Variants in MMP20 observed in about 807,000 individuals in gnomAD.
MMP20 encodes the protein matrix metallopeptidase 20, also known as matrix metalloproteinase-20.
A neutral mutation model predicts 51.8 loss-of-function variants in MMP20; 50 were observed. That is an observed-to-expected ratio of 0.97 (90% confidence interval 0.77 to 1.22). MMP20 has a LOEUF of 1.22. Ranked by LOEUF, MMP20 falls within the 50% of genes most tolerant of loss-of-function variation. The pLI, the probability that MMP20 is intolerant of heterozygous loss-of-function variation, is 0.00. For synonymous variants in MMP20, 244 were observed against 216.2 expected, an observed-to-expected ratio of 1.13 and a Z score of -1.13; for missense variants, 663 against 601.4, an observed-to-expected ratio of 1.10 and a Z score of -1.07.
At chr11:102,609,785 T>C in intron 4 of MMP20, 120 bp downstream of exon 4, 1 of 1,461,142 alleles carries the variant, frequency 6.8e-7, no homozygotes, top group South Asian at 1.2e-5. Context: ...GCTTACTTGT[T>C]TTTCCTAGCC....
In MMP20 at chr11:102,625,097, A is replaced by G. The variant is rs1165826301; in HGVS notation, c.126+97T>C. The G allele has an allele frequency of 6.7e-6, 10 of 1,499,726 alleles. No homozygotes were observed. In the South Asian group the frequency reaches 6.8e-5, roughly 10 times the overall value. 92.9% of individuals were successfully genotyped at this position (1,499,726 alleles called of 1,614,324 possible). The stretch of plus-strand genomic sequence containing the variant: ...CAATGGACTTATATAAAATGATTTT[A>G]AAAGAACAATAGAATTTTTTTCTTA... On this transcript the variant is annotated intron_variant, in intron 1 of 9. Coordinates refer to ENST00000260228, the MANE Select transcript of MMP20 (RefSeq NM_004771.4).
At chr11:102,619,576 A>T (rs1419303433) in intron 1 of MMP20, among the ~76,000 whole-genome samples, 1 of 54,978 alleles carries the variant, frequency 1.8e-5, no homozygotes, top group Non-Finnish European at 4.8e-5. Flanking sequence ...TAAAAAAAAC[A>T]AAATAAATGC....
At chr11:102,596,190 C>T (rs182585615) in intron 6 of MMP20, among the ~76,000 whole-genome samples, 14 of 152,282 alleles carry the variant, frequency 9.2e-5, no homozygotes, top group Admixed American at 9.1e-4. Flanking sequence ...AAGTATATCC[C>T]ATTGCATTTA....
intron 8 of MMP20, among the ~76,000 whole-genome samples, chr11:102,584,576 T>C (rs1859232922): frequency 6.6e-6 from 1 of 152,222 alleles, no homozygotes; most frequent in South Asian, 2.1e-4. Flanking sequence ...CCCTGGGTTG[T>C]CTTTTTACTT....
At position 102,579,027 on chromosome 11, in the gene MMP20, G is replaced by A; in HGVS notation, c.1351+12C>T. 6.3e-7 allele frequency: 1 copy of A among 1,580,296 alleles called. No individual in the cohort carries two copies. Among genetic ancestry groups the A allele is most frequent in the Non-Finnish European group, 8.7e-7 (1 of 1,149,280 alleles). ...AGTTTTCATGAAGAAAGTTTTCAGT[G>A]GAAACACTTACCATTTAATTCTACA... On this transcript the variant is annotated intron_variant, in intron 9 of 9. Transcript: ENST00000260228.
intron 6 of MMP20, among the ~76,000 whole-genome samples, chr11:102,599,828 C>A (rs1336409703): frequency 6.6e-6 from 1 of 152,064 alleles, no homozygotes; most frequent in Non-Finnish European, 1.5e-5. Context: ...CTCACTGAAC[C>A]CAAGAAAAAT....
At chr11:102,605,420 C>T (rs1034991720) in intron 6 of MMP20, 1 of 151,998 alleles carries the variant, frequency 6.6e-6, no homozygotes, top group African/African-American at 2.4e-5. Context: ...TTGTTACTTT[C>T]TCTCTGTGCT....
At chr11:102,614,097 T>A (rs555188878) in intron 2 of MMP20, among the ~76,000 whole-genome samples, 5 of 152,384 alleles carry the variant, frequency 3.3e-5, no homozygotes, top group Admixed American at 1.3e-4. Flanking sequence ...GTATGCACTT[T>A]TTAATGTGGC....
Position 102,606,601 on chromosome 11 carries a change from C to T in MMP20, c.887G>A (p.Cys296Tyr). ...PHHKPSIPDLCDSSSSFDAVT... is the reference protein window; with the variant it reads ...PHHKPSIPDLYDSSSSFDAVT... Reference sequence around the variant, plus strand: ...AGCGTCAAAGGATGAGCTGGAGTCACAGAGGTCAGGGATGGATGGCTTGTG... The same window carrying T: ...AGCGTCAAAGGATGAGCTGGAGTCATAGAGGTCAGGGATGGATGGCTTGTG... Residue 296 changes from cysteine (C) to tyrosine (Y), a missense_variant, in exon 6 of 10, where the codon TGT becomes TAT. Transcript: ENST00000260228. 2 of 1,614,104 alleles carry T rather than the reference C, an allele frequency of 1.2e-6. No individual in the cohort carries two copies. The highest frequency in any genetic ancestry group is 1.3e-5 in the African/African-American group (1 of 75,040).
intron 6 of MMP20, among the ~76,000 whole-genome samples, chr11:102,597,511 G>C (rs1859395908): frequency 6.6e-6 from 1 of 152,144 alleles, no homozygotes; most frequent in Admixed American, 6.5e-5. Context: ...GCAATATCTG[G>C]TGACAATTTT....
At chr11:102,598,473 A>T (rs1014098441) in intron 6 of MMP20, among the ~76,000 whole-genome samples, 2 of 152,226 alleles carry the variant, frequency 1.3e-5, no homozygotes, top group Admixed American at 6.5e-5. Flanking sequence ...ATCTTATGCT[A>T]TGCTGGCACA....
Position 102,606,621 on chromosome 11 carries a change from C to T in MMP20, c.867G>A (p.Lys289=). The change falls in exon 6 of 10, where the codon AAG becomes AAA. Residue 289 remains lysine, a synonymous_variant. Coordinates refer to ENST00000260228, the MANE Select transcript of MMP20 (RefSeq NM_004771.4). The stretch of plus-strand genomic sequence containing the variant: ...AGTCACAGAGGTCAGGGATGGATGG[C>T]TTGTGATGGGGGGCATGGGGCAGAG... ...KPTLPHAPHH[K]PSIPDLCDSS... The T allele has an allele frequency of 6.2e-7, 1 of 1,613,938 alleles. No homozygotes were observed. The highest frequency in any genetic ancestry group is 8.5e-7 in the Non-Finnish European group (1 of 1,179,884).
chr11:102,586,812 G>A (rs1047483670), intron 8 of MMP20, among the ~76,000 whole-genome samples: 7 of 150,750 alleles, frequency 4.6e-5, no homozygotes, highest in South Asian at 2.1e-4. Flanking sequence ...GCAAGACTCC[G>A]CCTCAAAAAA....
At position 102,581,881 on chromosome 11, in the gene MMP20, T is replaced by C. The variant is rs553293437; in HGVS notation, c.1248-2739A>G. ...TTCAATATTAAGGAAATAAATACAA[T>C]TTTTATTGAGAATCAACTATATCTT... On this transcript the variant is annotated intron_variant, in intron 8 of 9. Coordinates refer to ENST00000260228, the MANE Select transcript of MMP20 (RefSeq NM_004771.4). Among the ~76,000 whole-genome samples the C allele has an allele frequency of 4.6e-5, 7 of 152,326 alleles. No individual in the cohort carries two copies. In the East Asian group the frequency reaches 9.6e-4, roughly 21 times the overall value.
chr11:102,610,708 A>T (rs780208111), intron 3 of MMP20, among the ~76,000 whole-genome samples: 6 of 151,974 alleles, frequency 3.9e-5, no homozygotes, highest in Admixed American at 6.5e-5. Context: ...AAAATAAGGG[A>T]TATAGTTTAC....
At chr11:102,612,256 A>C (rs756739618) in intron 2 of MMP20, among the ~76,000 whole-genome samples, 5 of 152,118 alleles carry the variant, frequency 3.3e-5, no homozygotes, top group Non-Finnish European at 5.9e-5. Flanking sequence ...CTTGAGGTCA[A>C]GAGTTCGAGA....
rs17099071 is a variant in MMP20 at position 102,616,627 on chromosome 11, A to G, written c.374+185T>C. On this transcript the variant is annotated intron_variant, in intron 2 of 9. Coordinates refer to ENST00000260228, the MANE Select transcript of MMP20 (RefSeq NM_004771.4). The stretch of plus-strand genomic sequence containing the variant: ...TAGCCAGTCATTATGATAATCCTAA[A>G]ACCGTATTTTCTGGTGAATTGCCCA... Among the ~76,000 whole-genome samples, 1,025 of 152,290 alleles carry G rather than the reference A, an allele frequency of 6.7e-3. 16 individuals are homozygous for G. Among genetic ancestry groups the G allele is most frequent in the African/African-American group, 0.023 (976 of 41,558 alleles).
chr11:102,609,431 C>G (rs1456775148), intron 4 of MMP20, among the ~76,000 whole-genome samples: 1 of 152,174 alleles, frequency 6.6e-6, no homozygotes, highest in Non-Finnish European at 1.5e-5. Context: ...ATTTAGACCA[C>G]AAATGCCTTA....
chr11:102,608,907 G>A (rs1389731407), intron 5 of MMP20, 30 bp downstream of exon 5: 10 of 1,610,148 alleles, frequency 6.2e-6, no homozygotes, highest in Non-Finnish European at 8.5e-6. Flanking sequence ...CAATTTCAGG[G>A]TGAGTCATCA....
Sources: gnomAD v4.1 joint callset for allele counts (sites outside exome capture counted in the v4.1 genomes callset) on GRCh38, gnomAD v4.1.1 for gene constraint, MANE v1.5 for transcripts, NCBI Gene and HGNC (gene_info 2026-07-23, HGNC 2026-07-21) for gene names.